Variants in CAPN6 observed in about 807,000 individuals in gnomAD.
CAPN6 encodes calpain 6, also known as calpain-6.
CAPN6 carries 16 observed loss-of-function variants against 46.0 expected under a neutral mutation model. The ratio of observed to expected loss-of-function variants is 0.35; its 90% CI spans 0.24 to 0.53. The LOEUF is 0.53. Among genes scored for constraint, CAPN6 ranks in the 20% least tolerant of loss-of-function variants. The pLI, the probability that CAPN6 is intolerant of heterozygous loss-of-function variation, is 0.94. For missense variants in CAPN6, 461 were observed against 498.0 expected, an observed-to-expected ratio of 0.93 and a Z score of 0.71; for synonymous variants, 206 against 172.8, an observed-to-expected ratio of 1.19 and a Z score of -1.51.
chrX:111,249,498 C>T (rs1470950722), intron 8 of CAPN6, among the ~76,000 whole-genome samples: 1 of 111,042 alleles, frequency 9.0e-6, no homozygotes, highest in Non-Finnish European at 1.9e-5. Flanking sequence ...TTTTGCCAGC[C>T]AGACATACAG....
intron 1 of CAPN6, among the ~76,000 whole-genome samples, chrX:111,266,355 G>T (rs1272203409): frequency 9.0e-6 from 1 of 110,741 alleles, no homozygotes; most frequent in Admixed American, 9.6e-5. Context: ...GGAAAGTGAG[G>T]TTATCTACCC....
Position 111,247,436 on chromosome X carries a change from C to T in CAPN6, c.1675G>A (p.Val559Ile). The change falls in exon 12 of 13, where the codon GTT (valine) becomes ATT (isoleucine). Residue 559 changes from valine (V) to isoleucine (I), a missense_variant. Val to Ile is a conservative substitution (Grantham distance 29, BLOSUM62 3). Coordinates refer to ENST00000324068, the MANE Select transcript of CAPN6 (RefSeq NM_014289.4). ...GCCTGGGTGTCAAAAATGGCATGAA[C>T]TGTATTCTTCTGGACAGGAGAACGG... ...EVRSPVQKNT[V>I]HAIFDTQAIF... The T allele has an allele frequency of 8.3e-7, 1 of 1,206,797 alleles. No homozygotes were observed. The highest frequency in any genetic ancestry group is 1.1e-6 in the Non-Finnish European group (1 of 891,987).
chrX:111,248,340 C>A (rs766176807), intron 10 of CAPN6, among the ~76,000 whole-genome samples: 1 of 112,171 alleles, frequency 8.9e-6, no homozygotes, highest in South Asian at 3.7e-4. Flanking sequence ...AGACTATAGG[C>A]CTGTTCCTCT....
Position 111,246,702 on chromosome X carries a change from C to T in CAPN6, c.1801G>A (p.Asp601Asn). The T allele has an allele frequency of 8.3e-7, 1 of 1,211,062 alleles. No individual in the cohort carries two copies. Among genetic ancestry groups the T allele is most frequent in the Non-Finnish European group, 1.1e-6 (1 of 895,273 alleles). Residue 601 changes from aspartate to asparagine, a missense_variant, in exon 13 of 13, where the codon GAC becomes AAC. Transcript: ENST00000324068. Reference protein sequence around the residue: ...QFLGQVTLDADPSDCRDLKSL... With the variant: ...QFLGQVTLDANPSDCRDLKSL... The stretch of plus-strand genomic sequence containing the variant: ...TTCAGATCACGGCAGTCGCTGGGGT[C>T]AGCATCCAGAGTAACCTGCCCCAAG...
At chrX:111,254,883 A>G (rs1436372657) in intron 2 of CAPN6, among the ~76,000 whole-genome samples, 2 of 112,155 alleles carry the variant, frequency 1.8e-5, no homozygotes, top group East Asian at 5.6e-4. Flanking sequence ...CTCTAGGAAA[A>G]CCAGTTAGGA....
chrX:111,266,921 T>C (rs1442391191), intron 1 of CAPN6, among the ~76,000 whole-genome samples: 1 of 113,104 alleles, frequency 8.8e-6, no homozygotes, highest in East Asian at 2.8e-4. Flanking sequence ...ATTTTCATGG[T>C]TTGATGTTCA....
At chrX:111,258,173 C>T (rs2094985295) in intron 2 of CAPN6, among the ~76,000 whole-genome samples, 1 of 111,833 alleles carries the variant, frequency 8.9e-6, no homozygotes. Flanking sequence ...CTACCACATC[C>T]AAATTCAGCA....
At chrX:111,260,510 C>T (rs777572698) in intron 2 of CAPN6, among the ~76,000 whole-genome samples, 3 of 112,770 alleles carry the variant, frequency 2.7e-5, no homozygotes, top group South Asian at 7.4e-4. Flanking sequence ...CTGTAAGTTT[C>T]GCTGCAAACC....
At chrX:111,246,956 C>T (rs1019545816) in intron 12 of CAPN6, among the ~76,000 whole-genome samples, 197 bp from the exon 13 acceptor site, 5 of 112,042 alleles carry the variant, frequency 4.5e-5, no homozygotes, top group Non-Finnish European at 9.4e-5. Flanking sequence ...AAAACAGAAT[C>T]TCCGGGTCGT....
Position 111,245,151 on chromosome X carries a change from A to C in CAPN6, c.*1426T>G, listed in dbSNP as rs2094973293. On this transcript the variant is annotated 3_prime_UTR_variant, in exon 13 of 13. Coordinates refer to ENST00000324068, the MANE Select transcript of CAPN6 (RefSeq NM_014289.4). ...TGATTTGGTTTATGTAAGGCAGTGT[A>C]GTGAAGGCACTGCAGAAGTTAAACA... 1 of 112,872 alleles carries C rather than the reference A, an allele frequency of 8.9e-6. No homozygotes were observed. The highest frequency in any genetic ancestry group is 3.2e-5 in the African/African-American group (1 of 30,957). The allele number at this position is 112,872 out of a possible 1,213,427, so 9.3% of individuals were successfully genotyped here. A position where few individuals can be genotyped will look rare whatever the true frequency, so the allele number is the denominator to read the frequency against.
chrX:111,246,875 C>T (rs1474881387), intron 12 of CAPN6, 116 bp from the exon 13 acceptor site: 1 of 583,862 alleles, frequency 1.7e-6, no homozygotes, highest in African/African-American at 2.3e-5. Flanking sequence ...AACCAAGAGA[C>T]TATTCTGTCC....
At chrX:111,260,266 G>A (rs17879088) in intron 2 of CAPN6, among the ~76,000 whole-genome samples, 5,727 of 111,056 alleles carry the variant, frequency 0.052, 264 homozygotes, top group African/African-American at 0.13. Context: ...AGAATGGGGC[G>A]GCGGGGGGCC....
At chrX:111,247,293 T>C (rs997246123) in intron 12 of CAPN6, 75 bp downstream of exon 12, 24 of 897,364 alleles carry the variant, frequency 2.7e-5, no homozygotes, top group Middle Eastern at 2.9e-4. Context: ...CCTAAACATA[T>C]ATAAGGTACT....
chrX:111,257,893 C>T, intron 2 of CAPN6, among the ~76,000 whole-genome samples: 1 of 111,571 alleles, frequency 9.0e-6, no homozygotes, highest in Middle Eastern at 4.6e-3. Flanking sequence ...TTTGTCACGG[C>T]AAAATGATTT....
chrX:111,253,304 G>C (rs1399101871), intron 3 of CAPN6, 88 bp from the exon 4 acceptor site: 1 of 729,277 alleles, frequency 1.4e-6, no homozygotes, highest in East Asian at 3.2e-5. Context: ...CAAATCTACA[G>C]GGCAACAGGA....
At chrX:111,259,629 C>G (rs962228031) in intron 2 of CAPN6, among the ~76,000 whole-genome samples, 4 of 112,029 alleles carry the variant, frequency 3.6e-5, no homozygotes, top group South Asian at 7.5e-4. Context: ...GGAATGTATT[C>G]TAGAGGGGAA....
rs1367855426 is a variant in CAPN6 at position 111,251,202 on chromosome X, T to G, written c.971+7A>C. ...CCAATTCCCTTAGTGCAGAAACCCC[T>G]CCTCACCAAAACTCTCCATCATCAG... On this transcript the variant is annotated splice_region_variant and intron_variant, in intron 7 of 12. Coordinates refer to ENST00000324068, the MANE Select transcript of CAPN6 (RefSeq NM_014289.4). The G allele has an allele frequency of 8.3e-7, 1 of 1,205,445 alleles. No individual in the cohort carries two copies. The highest frequency in any genetic ancestry group is 1.1e-6 in the Non-Finnish European group (1 of 893,859).
In CAPN6 at chrX:111,247,876, T is replaced by C; in HGVS notation, c.1601A>G (p.Asn534Ser). 3 of 1,209,875 alleles carry C rather than the reference T, an allele frequency of 2.5e-6. No individual in the cohort carries two copies. The highest frequency in any genetic ancestry group is 2.3e-4 in the Middle Eastern group (1 of 4,355). Residue 534 changes from asparagine (N) to serine (S), a missense_variant, in exon 11 of 13, where the codon AAT becomes AGT. Coordinates refer to ENST00000324068, the MANE Select transcript of CAPN6 (RefSeq NM_014289.4). Reference protein sequence around the residue: ...SAEDLEKKYANETVNPYLVIK... With the variant: ...SAEDLEKKYASETVNPYLVIK... Reference sequence around the variant, plus strand: ...GACATTCCTGCCATTCTTACTTTCATTGGCATACTTCTTCTCCAGGTCCTC... The same window carrying C: ...GACATTCCTGCCATTCTTACTTTCACTGGCATACTTCTTCTCCAGGTCCTC...
At chrX:111,252,000 G>T (rs773117047) in intron 5 of CAPN6, among the ~76,000 whole-genome samples, 2 of 112,354 alleles carry the variant, frequency 1.8e-5, no homozygotes, top group South Asian at 3.8e-4. Flanking sequence ...TGATGGGGCA[G>T]ATTCATTTAT....
Sources: gnomAD v4.1 joint callset for allele counts (sites outside exome capture counted in the v4.1 genomes callset) on GRCh38, gnomAD v4.1.1 for gene constraint, MANE v1.5 for transcripts, NCBI Gene and HGNC (gene_info 2026-07-23, HGNC 2026-07-21) for gene names.